USP35: variants seen among roughly 807,000 people sequenced by gnomAD.
USP35 encodes ubiquitin specific peptidase 35, also known as ubiquitin carboxyl-terminal hydrolase 35.
A neutral mutation model predicts 83.8 loss-of-function variants in USP35; 69 were observed. That is an observed-to-expected ratio of 0.82 (90% CI 0.68 to 1.01). The LOEUF (loss-of-function observed/expected upper bound fraction) is 1.01. USP35 is among the 50% of genes least tolerant of loss of function. USP35 has a pLI of 0.00. For synonymous variants in USP35, 714 were observed against 589.5 expected, an observed-to-expected ratio of 1.21 and a Z score of -3.06; for missense variants, 1,503 against 1,362.5, an observed-to-expected ratio of 1.10 and a Z score of -1.62.
rs1186483379 is a variant in USP35, at chr11:78,199,738, T to G, written c.936+14T>G. The G allele has an allele frequency of 6.2e-7, 1 of 1,614,130 alleles. No individual in the cohort carries two copies. The stretch of plus-strand genomic sequence containing the variant: ...AAAATTGAGAAGGTTGGTGCCCCTG[T>G]CCTAGCCCAGAGTTACAGCCTTTTG... On this transcript the variant is annotated intron_variant, in intron 4 of 10. Coordinates refer to ENST00000529308, the MANE Select transcript of USP35 (RefSeq NM_020798.4).
intron 1 of USP35, among the ~76,000 whole-genome samples, chr11:78,191,136 G>A (rs1036825679): frequency 6.6e-6 from 1 of 151,824 alleles, no homozygotes; most frequent in Non-Finnish European, 1.5e-5. Context: ...GTGGCAGTGG[G>A]GCTGAGCATA....
the USP35 span, among the ~76,000 whole-genome samples, chr11:78,229,530 G>T: frequency 1.3e-5 from 2 of 152,100 alleles, no homozygotes; most frequent in Non-Finnish European, 2.9e-5. Flanking sequence ...CTCTTATTTT[G>T]GGAATGGCAA....
chr11:78,234,652 A>G, the USP35 span, among the ~76,000 whole-genome samples: 1 of 150,016 alleles, frequency 6.7e-6, no homozygotes, highest in Non-Finnish European at 1.5e-5. Flanking sequence ...ATGTATTTAT[A>G]TATATTTCTC....
the USP35 span, among the ~76,000 whole-genome samples, chr11:78,228,958 A>G: frequency 6.6e-6 from 1 of 152,004 alleles, no homozygotes; most frequent in African/African-American, 2.4e-5. Context: ...GGATTTGTTC[A>G]TTTTACATTT....
downstream of USP35, chr11:78,217,990 T>C (rs1210727332): frequency 6.5e-6 from 1 of 153,206 alleles, no homozygotes; most frequent in Non-Finnish European, 1.5e-5. Context: ...CACACCACCA[T>C]GCACACCACT....
intron 6 of USP35, among the ~76,000 whole-genome samples, chr11:78,203,889 T>TTC (rs1352875878): frequency 1.4e-5 from 2 of 143,180 alleles, no homozygotes; most frequent in East Asian, 2.2e-4. Flanking sequence ...ATATTTTTCT[T>TTC]TTCTTTTTTT....
At chr11:78,226,825 T>C in the USP35 span, 1 of 1,614,020 alleles carries the variant, frequency 6.2e-7, no homozygotes, top group Non-Finnish European at 8.5e-7. Flanking sequence ...TCGGAGCCTG[T>C]GAGGCTGCCC....
At chr11:78,221,582 C>G in the USP35 span, 3 of 671,056 alleles carry the variant, frequency 4.5e-6, no homozygotes, top group South Asian at 3.9e-5. Context: ...AGTCCCTGGG[C>G]TGAGGTGAGT....
chr11:78,191,269 C>G (rs1200688134), intron 1 of USP35, among the ~76,000 whole-genome samples: 1 of 152,180 alleles, frequency 6.6e-6, no homozygotes, highest in Non-Finnish European at 1.5e-5. Context: ...TGAGGGTCAT[C>G]CGAGAGGAAC....
chr11:78,206,960 A>G (rs899395187), intron 7 of USP35, among the ~76,000 whole-genome samples: 2 of 152,188 alleles, frequency 1.3e-5, no homozygotes, highest in Non-Finnish European at 2.9e-5. Context: ...CGTTTAGCGT[A>G]TTCCTCACAT....
At chr11:78,221,698 G>A in the USP35 span, 109 of 1,611,856 alleles carry the variant, frequency 6.8e-5, no homozygotes, top group Middle Eastern at 1.6e-4. Context: ...AGTTCTCTTC[G>A]CTGTCTCCTG....
chr11:78,207,301 A>G, intron 7 of USP35: 1 of 517,960 alleles, frequency 1.9e-6, no homozygotes, highest in South Asian at 2.2e-5. Context: ...TCACCTTTGT[A>G]CCCTTCATTG....
intron 2 of USP35, 123 bp downstream of exon 2, chr11:78,197,041 C>A: frequency 7.4e-7 from 1 of 1,358,440 alleles, no homozygotes; most frequent in South Asian, 1.8e-5. Flanking sequence ...TGCCAGGCGG[C>A]GAATGCTCAG....
chr11:78,196,664 C>A lies in USP35; in HGVS notation c.419C>A (p.Ala140Asp). ...GTGTGCGAGCGCCCGGGCCCCGCGGCCTGCGCGCAGGTGGCACGGCTGCTG... is the reference window on the plus strand; with the variant it reads ...GTGTGCGAGCGCCCGGGCCCCGCGGACTGCGCGCAGGTGGCACGGCTGCTG... Reference protein sequence around the residue: ...RTVCERPGPAACAQVARLLAR... With the variant: ...RTVCERPGPADCAQVARLLAR... The change falls in exon 2 of 11, where the codon GCC (alanine) becomes GAC (aspartate). Residue 140 changes from alanine (A) to aspartate (D), a missense_variant. Physicochemically the swap from Ala to Asp is moderately radical, Grantham distance 126. Transcript: ENST00000529308. The surrounding 1 kb of genome is among the most constrained non-coding windows in gnomAD (Gnocchi z 4.8). The A allele has an allele frequency of 7.0e-7, 1 of 1,431,030 alleles. No homozygotes were observed. The allele number at this position is 1,431,030 out of a possible 1,614,324, so 88.6% of individuals were successfully genotyped here.
chr11:78,198,526 T>C, intron 3 of USP35: 3 of 792,748 alleles, frequency 3.8e-6, no homozygotes, highest in Non-Finnish European at 4.6e-6. Context: ...CCCTGTGATC[T>C]AGACGCACCT....
chr11:78,227,965 T>C, the USP35 span, among the ~76,000 whole-genome samples: 2 of 152,202 alleles, frequency 1.3e-5, no homozygotes, highest in African/African-American at 4.8e-5. Context: ...GTTTGGGAAC[T>C]ATATATAGAA....
the USP35 span, among the ~76,000 whole-genome samples, chr11:78,228,294 T>C: frequency 2.0e-5 from 3 of 152,240 alleles, no homozygotes; most frequent in Non-Finnish European, 2.9e-5. Flanking sequence ...TCTGCTTCTT[T>C]AGCTTGTGTA....
intron 1 of USP35, among the ~76,000 whole-genome samples, chr11:78,189,994 C>T (rs1330913622): frequency 6.6e-6 from 1 of 152,048 alleles, no homozygotes; most frequent in Non-Finnish European, 1.5e-5. Context: ...CACCTGGTGT[C>T]GGGAGGGGCA....
Position 78,196,761 on chromosome 11 carries a change from C to G in USP35, c.516C>G (p.Leu172=). The part of the protein sequence containing the change: ...LLFCQQLVRC[L]GRFRCPAEGE... Reference sequence around the variant, plus strand: ...TCTGCCAGCAGCTGGTGCGTTGCCTCGGCCGCTTCCGCTGCCCAGCCGAAG... The same window carrying G: ...TCTGCCAGCAGCTGGTGCGTTGCCTGGGCCGCTTCCGCTGCCCAGCCGAAG... The change falls in exon 2 of 11, where the codon CTC becomes CTG. Residue 172 remains leucine, a synonymous_variant. Transcript: ENST00000529308. This position sits in a 1 kb window ranked among gnomAD's most constrained non-coding sequence, Gnocchi z 4.8. The G allele has an allele frequency of 6.5e-7, 1 of 1,532,822 alleles. No homozygotes were observed. Among genetic ancestry groups the G allele is most frequent in the Non-Finnish European group, 8.7e-7 (1 of 1,145,570 alleles). 95.0% of individuals were successfully genotyped at this position (1,532,822 alleles called of 1,614,324 possible).
Sources: allele counts gnomAD v4.1 joint callset (sites outside exome capture counted in the v4.1 genomes callset), GRCh38; gene constraint gnomAD v4.1.1; non-coding constraint Gnocchi (gnomAD v3.1); transcripts MANE v1.5; gene names NCBI Gene and HGNC (gene_info 2026-07-23, HGNC 2026-07-21).